Variants in MCHR2 observed in about 807,000 individuals in gnomAD.
MCHR2 encodes the protein melanin concentrating hormone receptor 2, also known as melanin-concentrating hormone receptor 2.
MCHR2 carries 15 observed loss-of-function variants against 24.8 expected under a neutral mutation model. The ratio of observed to expected loss-of-function variants is 0.60; its 90% CI spans 0.40 to 0.93. The LOEUF is 0.93. Ranked by LOEUF, MCHR2 falls within the 40% of genes least tolerant of loss-of-function variation. MCHR2 has a pLI of 0.00. For missense variants in MCHR2, 386 were observed against 408.7 expected (o/e 0.94, Z 0.48); for synonymous variants, 151 against 147.6 (o/e 1.02, Z -0.17).
intron 1 of MCHR2, among the ~76,000 whole-genome samples, chr6:99,992,739 G>C (rs900342281): frequency 6.6e-6 from 1 of 152,140 alleles, no homozygotes; most frequent in East Asian, 1.9e-4. Context: ...GCTAAGAGTC[G>C]AATAACATTG....
chr6:99,989,571 C>T (rs1775829736), intron 1 of MCHR2, among the ~76,000 whole-genome samples: 1 of 152,126 alleles, frequency 6.6e-6, no homozygotes, highest in African/African-American at 2.4e-5. Context: ...TGACCTTTGA[C>T]CTCTACCCTG....
intron 2 of MCHR2, among the ~76,000 whole-genome samples, chr6:99,948,367 G>A (rs1774911885): frequency 6.6e-6 from 1 of 152,086 alleles, no homozygotes; most frequent in Non-Finnish European, 1.5e-5. Flanking sequence ...CCTGGTGGTA[G>A]CCGGCTACCA....
chr6:99,943,182 A>G, intron 3 of MCHR2, 39 bp from the exon 4 acceptor site: 1 of 1,529,808 alleles, frequency 6.5e-7, no homozygotes, highest in Non-Finnish European at 8.9e-7. Context: ...AACAATCAAT[A>G]AAAGCACTGA....
In MCHR2 at chr6:99,947,844, GC is replaced by G. The variant is rs902197100; in HGVS notation, c.309del (p.Pro104LeufsTer21). The G allele has an allele frequency of 1.9e-6, 3 of 1,613,648 alleles. No homozygotes were observed. Among genetic ancestry groups the G allele is most frequent in the East Asian group, 2.2e-5 (1 of 44,862 alleles). On this transcript the variant is annotated frameshift_variant, in exon 3 of 6. Transcript: ENST00000281806. LOFTEE classifies it high-confidence loss of function. ...AGGGATGTGATGATGGTGCAGAGAG[GC>G]CCCCCAAACACCCACTCTCCCCCTC... ...WARGGEWVFG[G>X]PLCTIITSLD...
intron 5 of MCHR2, among the ~76,000 whole-genome samples, chr6:99,925,241 T>C (rs1774325452): frequency 1.3e-5 from 2 of 152,110 alleles, no homozygotes; most frequent in African/African-American, 4.8e-5. Flanking sequence ...TTTCCATTGG[T>C]ATGGTGTATG....
chr6:99,980,858 A>C (rs1307585883), intron 1 of MCHR2, among the ~76,000 whole-genome samples: 4 of 152,204 alleles, frequency 2.6e-5, no homozygotes, highest in Non-Finnish European at 5.9e-5. Context: ...AAAACATCAA[A>C]GAAAAGATAT....
In MCHR2 at chr6:99,934,606, C is replaced by A. The variant is rs151013471; in HGVS notation, c.588-89G>T. The A allele has an allele frequency of 5.0e-5, 60 of 1,193,210 alleles. No individual in the cohort carries two copies. The East Asian group carries it at 1.6e-3, about 33-fold the overall frequency. The allele number at this position is 1,193,210 out of a possible 1,614,324, so 73.9% of individuals were successfully genotyped here. A position where few individuals can be genotyped will look rare whatever the true frequency, so the allele number is the denominator to read the frequency against. ...GAATTGGCTTTTGCAGTTTCCGAGG[C>A]ATAATTCTTTCATTTTTCAGGGTCC... On this transcript the variant is annotated intron_variant, in intron 4 of 5. Coordinates refer to ENST00000281806, the MANE Select transcript of MCHR2 (RefSeq NM_001040179.2).
At chr6:99,952,050 A>G (rs1277556466) in intron 2 of MCHR2, among the ~76,000 whole-genome samples, 1 of 152,106 alleles carries the variant, frequency 6.6e-6, no homozygotes, top group Non-Finnish European at 1.5e-5. Context: ...CTGACAAAAC[A>G]AAGTTGTCCG....
chr6:99,968,785 T>C lies in MCHR2; in HGVS notation c.-27-12611A>G, dbSNP rs147453614. On this transcript the variant is annotated intron_variant, in intron 1 of 5. Transcript: ENST00000281806. The stretch of plus-strand genomic sequence containing the variant: ...AAGAATTGAAATCATATAGTGTTTT[T>C]TTTTTACCATAACAAAATCAAACTA... Among the ~76,000 whole-genome samples, 300 of 152,286 alleles carry C rather than the reference T, an allele frequency of 2.0e-3. 2 individuals are homozygous for C. Among genetic ancestry groups the C allele is most frequent in the African/African-American group, 7.0e-3 (291 of 41,564 alleles).
chr6:99,981,734 T>C (rs1297382484), intron 1 of MCHR2, among the ~76,000 whole-genome samples: 1 of 152,178 alleles, frequency 6.6e-6, no homozygotes, highest in Admixed American at 6.5e-5. Context: ...TCTCATGTTC[T>C]CTCTGCATGA....
rs1775938855 is a variant in MCHR2 at position 99,993,941 on chromosome 6, T to G, written c.-33A>C. 6.6e-6 allele frequency: 1 copy of G among 151,890 alleles called. No individual in the cohort carries two copies. Among genetic ancestry groups the G allele is most frequent in the African/African-American group, 2.4e-5 (1 of 41,346 alleles). 9.4% of individuals were successfully genotyped at this position (151,890 alleles called of 1,614,324 possible). On this transcript the variant is annotated 5_prime_UTR_variant, in exon 1 of 6. Transcript: ENST00000281806. ...GGCAGCCCGCGGGACGTCACCTGGGTGCTCGCGTCCTCCCCGCGCGGCGGA... is the reference window on the plus strand; with the variant it reads ...GGCAGCCCGCGGGACGTCACCTGGGGGCTCGCGTCCTCCCCGCGCGGCGGA...
At position 99,949,972 on chromosome 6, in the gene MCHR2, T is replaced by C. The variant is rs184064373; in HGVS notation, c.183-2001A>G. On this transcript the variant is annotated intron_variant, in intron 2 of 5. Transcript: ENST00000281806. Reference sequence around the variant, plus strand: ...TCTATAAATAGATGTTATTTTCATGTGAATTGGGATATAAACCATAAGCAG... The same window carrying C: ...TCTATAAATAGATGTTATTTTCATGCGAATTGGGATATAAACCATAAGCAG... 6.6e-5 allele frequency among the ~76,000 whole-genome samples: 10 copies of C among 152,180 alleles called. No homozygotes were observed. In the East Asian group the frequency reaches 1.7e-3, roughly 27 times the overall value.
intron 1 of MCHR2, among the ~76,000 whole-genome samples, chr6:99,968,606 A>AT (rs879727487): frequency 3.8e-4 from 56 of 148,182 alleles, no homozygotes; most frequent in Admixed American, 5.4e-4. Flanking sequence ...ATTGGCTGGG[A>AT]TTTTTTTTTT....
At chr6:99,958,891 A>G (rs1304915063) in intron 1 of MCHR2, among the ~76,000 whole-genome samples, 2 of 152,138 alleles carry the variant, frequency 1.3e-5, no homozygotes, top group Non-Finnish European at 2.9e-5. Flanking sequence ...TTTTTGTCTC[A>G]TCTATCTCAG....
intron 1 of MCHR2, among the ~76,000 whole-genome samples, chr6:99,963,490 T>C (rs1173542619): frequency 6.6e-6 from 1 of 152,112 alleles, no homozygotes. Context: ...AGAATGGTGA[T>C]TGCCAGGGGC....
chr6:99,924,720 CTTG>C (rs1361264944), intron 5 of MCHR2, among the ~76,000 whole-genome samples: 1 of 152,002 alleles, frequency 6.6e-6, no homozygotes, highest in Non-Finnish European at 1.5e-5. Context: ...CAAAATTCCT[CTTG>C]TTATTGATTT....
At chr6:99,964,841 C>T (rs963144486) in intron 1 of MCHR2, among the ~76,000 whole-genome samples, 1 of 151,988 alleles carries the variant, frequency 6.6e-6, no homozygotes, top group African/African-American at 2.4e-5. Flanking sequence ...TCTAGGTACA[C>T]ACGATAACAT....
At chr6:99,937,751 A>AT (rs71024679) in intron 4 of MCHR2, among the ~76,000 whole-genome samples, 14,109 of 146,730 alleles carry the variant, frequency 0.096, 686 homozygotes, top group Middle Eastern at 0.16. Context: ...CTTCCTCTTC[A>AT]TTTTTTTTTT....
intron 1 of MCHR2, among the ~76,000 whole-genome samples, chr6:99,982,310 G>A (rs976464319): frequency 5.9e-5 from 9 of 151,822 alleles, no homozygotes; most frequent in African/African-American, 2.2e-4. Context: ...TGGCTGTTCG[G>A]AAATCTAATA....
Sources: allele counts gnomAD v4.1 joint callset (sites outside exome capture counted in the v4.1 genomes callset), GRCh38; gene constraint gnomAD v4.1.1; transcripts MANE v1.5; gene names NCBI Gene and HGNC (gene_info 2026-07-23, HGNC 2026-07-21).